The following DOCK8 variants were observed in gnomAD, a reference collection of about 807,000 sequenced individuals.
DOCK8 encodes the protein dedicator of cytokinesis 8.
In DOCK8, 141 loss-of-function variants were observed where a neutral mutation model predicts 245.6. That is an observed-to-expected ratio of 0.57 (90% CI 0.50 to 0.66). DOCK8 has a LOEUF of 0.66. Among genes scored for constraint, DOCK8 ranks in the 30% least tolerant of loss-of-function variants. The probability of loss-of-function intolerance (pLI) is 0.00; values close to 1 mark genes in which losing one functional copy is unlikely to be tolerated. For missense variants in DOCK8, 2,965 were observed against 2,603.4 expected, an observed-to-expected ratio of 1.14 and a Z score of -3.02; for synonymous variants, 1,168 against 970.2, an observed-to-expected ratio of 1.20 and a Z score of -3.79.
At chr9:428,013 G>A (rs559063271) in intron 34 of DOCK8, among the ~76,000 whole-genome samples, 2 of 152,290 alleles carry the variant, frequency 1.3e-5, no homozygotes, top group South Asian at 2.1e-4. Flanking sequence ...TGTTGTACTG[G>A]GAAGCCCACA....
chr9:212,621 A>C (rs530010462), upstream of DOCK8, among the ~76,000 whole-genome samples: 2 of 152,382 alleles, frequency 1.3e-5, no homozygotes, highest in South Asian at 2.1e-4. Flanking sequence ...GTGAATTGTT[A>C]AAAGAGTGTT....
At chr9:322,996 G>A (rs1009387555) in intron 7 of DOCK8, among the ~76,000 whole-genome samples, 11 of 151,818 alleles carry the variant, frequency 7.2e-5, no homozygotes, top group African/African-American at 2.7e-4. Flanking sequence ...GGGAGGCTGA[G>A]GCCGAAGAAT....
At chr9:345,949 G>A (rs747233724) in intron 14 of DOCK8, among the ~76,000 whole-genome samples, 4 of 151,960 alleles carry the variant, frequency 2.6e-5, no homozygotes, top group East Asian at 1.9e-4. Context: ...TTGCTCTAAC[G>A]ATAGAGACCA....
In DOCK8 at chr9:328,179, A is replaced by T; in HGVS notation, c.1044+8A>T. 6.2e-7 allele frequency: 1 copy of T among 1,612,180 alleles called. No homozygotes were observed. On this transcript the variant is annotated splice_region_variant and intron_variant, in intron 9 of 47. Coordinates refer to ENST00000432829, the MANE Select transcript of DOCK8 (RefSeq NM_203447.4). ...ATCTACCTGGTAGTCAAGGTAATTC[A>T]GTACGATCTGATTTGCCCAATCTGA...
intron 25 of DOCK8, among the ~76,000 whole-genome samples, chr9:397,363 A>AAC (rs1422096029): frequency 1.3e-5 from 2 of 149,224 alleles, no homozygotes; most frequent in African/African-American, 2.5e-5. Context: ...AAAAAAAAAA[A>AAC]AAAAGAAATT....
intron 1 of DOCK8, among the ~76,000 whole-genome samples, chr9:229,937 G>A (rs2047070928): frequency 6.7e-6 from 1 of 150,206 alleles, no homozygotes; most frequent in South Asian, 2.1e-4. Context: ...AAGTTTTAGG[G>A]TACATGTGCA....
chr9:348,982 C>T (rs1037076788), intron 14 of DOCK8, among the ~76,000 whole-genome samples: 2 of 152,172 alleles, frequency 1.3e-5, no homozygotes, highest in African/African-American at 4.8e-5. Flanking sequence ...AATGGATGTC[C>T]TGTGGTTTCA....
intron 25 of DOCK8, 144 bp from the exon 26 acceptor site, chr9:399,002 G>T (rs751876493): frequency 4.2e-6 from 3 of 717,696 alleles, no homozygotes; most frequent in Non-Finnish European, 5.0e-6. Context: ...AGTTAAAGGA[G>T]ACTCAACTAC....
intron 5 of DOCK8, 90 bp downstream of exon 5, chr9:304,794 G>A: frequency 6.3e-7 from 1 of 1,584,660 alleles, no homozygotes. Flanking sequence ...ATAAACGATA[G>A]ACGCATAGAA....
intron 1 of DOCK8, among the ~76,000 whole-genome samples, chr9:243,104 C>G (rs1228114672): frequency 1.3e-5 from 2 of 152,144 alleles, no homozygotes; most frequent in Non-Finnish European, 2.9e-5. Flanking sequence ...TCCCCCATCA[C>G]TTTATCAAAA....
intron 22 of DOCK8, among the ~76,000 whole-genome samples, chr9:383,727 C>T (rs1255926049): frequency 1.7e-5 from 2 of 121,178 alleles, no homozygotes; most frequent in African/African-American, 5.5e-5. Context: ...AAAAAAAAAT[C>T]CCAAGGAGCA....
chr9:301,015 C>G (rs1272121826), intron 4 of DOCK8, among the ~76,000 whole-genome samples: 1 of 152,214 alleles, frequency 6.6e-6, no homozygotes, highest in Non-Finnish European at 1.5e-5. Context: ...CATTCTGATA[C>G]CAAAACCTGG....
intron 1 of DOCK8, among the ~76,000 whole-genome samples, chr9:257,119 T>C (rs1255272824): frequency 6.6e-6 from 1 of 152,218 alleles, no homozygotes; most frequent in Non-Finnish European, 1.5e-5. Flanking sequence ...TTAAGAAGCA[T>C]TGTTTCCATC....
At chr9:287,590 G>A (rs1374295308) in intron 3 of DOCK8, among the ~76,000 whole-genome samples, 2 of 149,214 alleles carry the variant, frequency 1.3e-5, no homozygotes, top group East Asian at 3.9e-4. Context: ...TAATGGGCTG[G>A]TATTATTGTG....
At chr9:399,439 G>C (rs949471302) in intron 26 of DOCK8, among the ~76,000 whole-genome samples, 180 bp downstream of exon 26, 1 of 152,098 alleles carries the variant, frequency 6.6e-6, no homozygotes, top group African/African-American at 2.4e-5. Context: ...AGACATGCTG[G>C]TTTACCTTGA....
In DOCK8 at chr9:439,242, C is replaced by T; in HGVS notation, c.5080-3C>T. ...TCCAGGCTTATACTGTGGTCTCTTTCAGAATATTTCTTCCAATGTGCTGGA... is the reference window on the plus strand; with the variant it reads ...TCCAGGCTTATACTGTGGTCTCTTTTAGAATATTTCTTCCAATGTGCTGGA... On this transcript the variant is annotated splice_region_variant and splice_polypyrimidine_tract_variant and intron_variant, in intron 39 of 47. Transcript: ENST00000432829. 1 of 1,614,180 alleles carries T rather than the reference C, an allele frequency of 6.2e-7. No individual in the cohort carries two copies. The highest frequency in any genetic ancestry group is 8.5e-7 in the Non-Finnish European group (1 of 1,180,036).
Position 439,234 on chromosome 9 carries a change from G to T in DOCK8, c.5080-11G>T. ...CCCTGTTCTCCAGGCTTATACTGTG[G>T]TCTCTTTCAGAATATTTCTTCCAAT... On this transcript the variant is annotated splice_polypyrimidine_tract_variant and intron_variant, in intron 39 of 47. Coordinates refer to ENST00000432829, the MANE Select transcript of DOCK8 (RefSeq NM_203447.4). 1 of 1,614,140 alleles carries T rather than the reference G, an allele frequency of 6.2e-7. No homozygotes were observed. Among genetic ancestry groups the T allele is most frequent in the Non-Finnish European group, 8.5e-7 (1 of 1,180,026 alleles).
At chr9:397,651 C>G (rs1438311003) in intron 25 of DOCK8, among the ~76,000 whole-genome samples, 1 of 152,076 alleles carries the variant, frequency 6.6e-6, no homozygotes, top group African/African-American at 2.4e-5. Flanking sequence ...GATGGTACCA[C>G]AGCACTCCAG....
intron 1 of DOCK8, among the ~76,000 whole-genome samples, chr9:245,349 C>T (rs1253604318): frequency 6.6e-6 from 1 of 152,088 alleles, no homozygotes; most frequent in Non-Finnish European, 1.5e-5. Flanking sequence ...GGATTACAGG[C>T]AAGCACCACC....
Sources: gnomAD v4.1 joint callset for allele counts (sites outside exome capture counted in the v4.1 genomes callset) on GRCh38, gnomAD v4.1.1 for gene constraint, MANE v1.5 for transcripts, NCBI Gene and HGNC (gene_info 2026-07-23, HGNC 2026-07-21) for gene names.